SNX31: variants seen among roughly 807,000 people sequenced by gnomAD.
SNX31 encodes sorting nexin-31.
In SNX31, 58 loss-of-function variants were observed where a neutral mutation model predicts 65.4. The observed-to-expected ratio is 0.89, with a 90% CI of 0.72 to 1.10. The LOEUF (loss-of-function observed/expected upper bound fraction) is 1.10, where lower values mean the gene tolerates loss of function less well. Among genes scored for constraint, SNX31 ranks in the 50% least tolerant of loss-of-function variants. The pLI is 0.00. For synonymous variants in SNX31, 181 were observed against 190.1 expected (o/e 0.95, Z 0.39); for missense variants, 523 against 529.7 (o/e 0.99, Z 0.12).
In SNX31 at chr8:100,648,517, CAAAAAAACA is replaced by C. The variant is rs1819801599; in HGVS notation, c.141+748_141+756del. Among the ~76,000 whole-genome samples the C allele has an allele frequency of 6.6e-6, 1 of 151,600 alleles. No homozygotes were observed. Among genetic ancestry groups the C allele is most frequent in the Non-Finnish European group, 1.5e-5 (1 of 67,844 alleles). ...GCTGTTTATAACCTAAAATCTAAAA[CAAAAAAACA>C]AAAATCACTATTCATGGGGGAGTGG... On this transcript the variant is annotated intron_variant, in intron 2 of 13. Transcript: ENST00000311812. The surrounding 1 kb of genome is among the most constrained non-coding windows in gnomAD (Gnocchi z 4.3).
chr8:100,597,924 G>A (rs1815264138), intron 9 of SNX31, among the ~76,000 whole-genome samples: 1 of 152,216 alleles, frequency 6.6e-6, no homozygotes, highest in Admixed American at 6.5e-5. Context: ...CTTTCGCCAT[G>A]GGCCTGGCCT....
intron 12 of SNX31, 99 bp downstream of exon 12, chr8:100,584,012 C>T: frequency 9.5e-7 from 1 of 1,052,272 alleles, no homozygotes; most frequent in Non-Finnish European, 1.4e-6. Flanking sequence ...TAGGACTAGA[C>T]CTGCTGGCTC....
intron 1 of SNX31, among the ~76,000 whole-genome samples, chr8:100,656,430 A>T (rs1293517942): frequency 6.6e-6 from 1 of 151,846 alleles, no homozygotes; most frequent in African/African-American, 2.4e-5. Flanking sequence ...ACCTGAGGTC[A>T]GGAGTTCAAG....
At chr8:100,651,154 G>A (rs1231524736), upstream of SNX31, among the ~76,000 whole-genome samples, 1 of 152,188 alleles carries the variant, frequency 6.6e-6, no homozygotes, top group Non-Finnish European at 1.5e-5. Context: ...CACTCTTTAA[G>A]CTGCAGTTCC....
chr8:100,647,457 G>A (rs1257854633), intron 2 of SNX31, among the ~76,000 whole-genome samples: 1 of 152,092 alleles, frequency 6.6e-6, no homozygotes, highest in Non-Finnish European at 1.5e-5. Flanking sequence ...CTAGGATTTG[G>A]TTCATCTGAG....
chr8:100,608,652 C>T, intron 7 of SNX31, 89 bp from the exon 8 acceptor site: 2 of 1,260,158 alleles, frequency 1.6e-6, no homozygotes, highest in Non-Finnish European at 2.3e-6. Context: ...GGCCCTCTAC[C>T]CTATGAACCA....
chr8:100,582,752 C>A (rs530726015), intron 12 of SNX31, among the ~76,000 whole-genome samples: 2 of 151,754 alleles, frequency 1.3e-5, no homozygotes, highest in South Asian at 2.1e-4. Context: ...CCGAGGCGGG[C>A]GGATCATGAG....
rs149957998 is a variant in SNX31, at chr8:100,582,875, C to T, written c.1170+1236G>A. On this transcript the variant is annotated intron_variant, in intron 12 of 13. Coordinates refer to ENST00000311812, the MANE Select transcript of SNX31 (RefSeq NM_152628.4). Reference sequence around the variant, plus strand: ...GCAGGGACCTGTAGCCCCAGCTACTCGGGAGGCTGAGGCAAGAGAATGGTG... The same window carrying T: ...GCAGGGACCTGTAGCCCCAGCTACTTGGGAGGCTGAGGCAAGAGAATGGTG... Among the ~76,000 whole-genome samples, 1,172 of 150,576 alleles carry T rather than the reference C, an allele frequency of 7.8e-3. 19 individuals carry two copies. Among genetic ancestry groups the T allele is most frequent in the African/African-American group, 0.027 (1,123 of 41,100 alleles).
At chr8:100,579,752 C>G (rs968308869) in intron 12 of SNX31, among the ~76,000 whole-genome samples, 6 of 152,144 alleles carry the variant, frequency 3.9e-5, no homozygotes, top group African/African-American at 1.4e-4. Flanking sequence ...AATCAGGAAT[C>G]AGAAAGCCAT....
chr8:100,618,496 T>C, intron 4 of SNX31: 1 of 631,328 alleles, frequency 1.6e-6, no homozygotes. Context: ...ATGACATGCT[T>C]TGCTTGGAGT....
intron 12 of SNX31, among the ~76,000 whole-genome samples, chr8:100,580,401 T>C (rs1342485413): frequency 3.9e-5 from 6 of 152,126 alleles, no homozygotes; most frequent in African/African-American, 1.4e-4. Context: ...ATTCCACCCT[T>C]CTTCCTTAGT....
intron 2 of SNX31, among the ~76,000 whole-genome samples, chr8:100,640,331 G>A (rs1334396478): frequency 6.6e-6 from 1 of 152,122 alleles, no homozygotes; most frequent in African/African-American, 2.4e-5. Flanking sequence ...TCTCCATGTT[G>A]GTCAGGCTGG....
In SNX31 at chr8:100,649,211, T is replaced by C. The variant is rs546213467; in HGVS notation, c.141+63A>G. On this transcript the variant is annotated intron_variant, in intron 2 of 13. Transcript: ENST00000311812. ...GCCAGAGTCAGAGGAACAGAGCGCTTTGGGGACAGCTTTCTCCACCTGTCT... is the reference window on the plus strand; with the variant it reads ...GCCAGAGTCAGAGGAACAGAGCGCTCTGGGGACAGCTTTCTCCACCTGTCT... The C allele has an allele frequency of 3.2e-6, 5 of 1,544,854 alleles. No homozygotes were observed. In the East Asian group the frequency reaches 6.8e-5, roughly 21 times the overall value.
In SNX31 at chr8:100,588,292, G is replaced by A. The variant is rs181489769; in HGVS notation, c.1092+574C>T. Among the ~76,000 whole-genome samples, 343 of 152,292 alleles carry A rather than the reference G, an allele frequency of 2.3e-3. 1 individual carries two copies. The highest frequency in any genetic ancestry group is 8.1e-3 in the South Asian group (39 of 4,828). ...AACAATTCTGGTGCTAAGCATTTGG[G>A]ATAAGGGATACTCAACCAGTGGCTT... On this transcript the variant is annotated intron_variant, in intron 11 of 13. Transcript: ENST00000311812. This position sits in a 1 kb window ranked among gnomAD's most constrained non-coding sequence, Gnocchi z 4.8.
At chr8:100,621,021 G>A (rs1306243973) in intron 4 of SNX31, among the ~76,000 whole-genome samples, 1 of 152,220 alleles carries the variant, frequency 6.6e-6, no homozygotes, top group African/African-American at 2.4e-5. Context: ...GTGGATACCT[G>A]TAATCCCAGC....
In SNX31 at chr8:100,643,084, G is replaced by A. The variant is rs184662115; in HGVS notation, c.141+6190C>T. On this transcript the variant is annotated intron_variant, in intron 2 of 13. Coordinates refer to ENST00000311812, the MANE Select transcript of SNX31 (RefSeq NM_152628.4). ...CAGGCACTTGTAATCCCAGGTACCC[G>A]GGAGGCTGAGGCAGGAGAATCACTT... 3.7e-4 allele frequency among the ~76,000 whole-genome samples: 51 copies of A among 139,086 alleles called. No individual in the cohort carries two copies. In the East Asian group the frequency reaches 7.6e-3, roughly 21 times the overall value. 91.2% of individuals were successfully genotyped at this position (139,086 alleles called of 152,430 possible).
intron 10 of SNX31, among the ~76,000 whole-genome samples, chr8:100,592,013 G>T (rs1318471395): frequency 1.3e-5 from 2 of 152,016 alleles, no homozygotes; most frequent in Non-Finnish European, 2.9e-5. Flanking sequence ...TCTGCAAACA[G>T]TAGAAAAATC....
Position 100,616,021 on chromosome 8 carries a change from A to G in SNX31, c.432+1599T>C, listed in dbSNP as rs189553643. On this transcript the variant is annotated intron_variant, in intron 5 of 13. Transcript: ENST00000311812. ...GATCTCCTGACCTCGTGATCCGCCC[A>G]CCTTGGCCTCCCAAAGTGCTGGGAT... Among the ~76,000 whole-genome samples the G allele has an allele frequency of 7.0e-3, 1,068 of 152,140 alleles. 6 individuals are homozygous for G. Among genetic ancestry groups the G allele is most frequent in the Non-Finnish European group, 0.011 (747 of 67,988 alleles).
intron 10 of SNX31, among the ~76,000 whole-genome samples, chr8:100,592,703 C>A (rs1185343242): frequency 6.6e-6 from 1 of 152,052 alleles, no homozygotes; most frequent in Non-Finnish European, 1.5e-5. Context: ...TTCATAACAG[C>A]CAAAATATAG....
Sources: allele counts gnomAD v4.1 joint callset (sites outside exome capture counted in the v4.1 genomes callset), GRCh38; gene constraint gnomAD v4.1.1; non-coding constraint Gnocchi (gnomAD v3.1); transcripts MANE v1.5; gene names NCBI Gene and HGNC (gene_info 2026-07-23, HGNC 2026-07-21).